FBXL7: variants seen among roughly 807,000 people sequenced by gnomAD.
FBXL7 encodes F-box/LRR-repeat protein 7.
A neutral mutation model predicts 38.3 loss-of-function variants in FBXL7; 12 were observed. The ratio of observed to expected loss-of-function variants is 0.31; its 90% CI spans 0.20 to 0.51. The LOEUF is 0.51. Among genes scored for constraint, FBXL7 ranks in the 20% least tolerant of loss-of-function variants. The pLI is 0.98. For missense variants in FBXL7, 567 were observed against 676.4 expected, an observed-to-expected ratio of 0.84 and a Z score of 1.79; for synonymous variants, 297 against 300.9, an observed-to-expected ratio of 0.99 and a Z score of 0.13.
At chr5:15,624,405 C>T (rs1354457324) in intron 2 of FBXL7, among the ~76,000 whole-genome samples, 1 of 152,200 alleles carries the variant, frequency 6.6e-6, no homozygotes, top group African/African-American at 2.4e-5. Flanking sequence ...CCTGAGAATC[C>T]TCGCCTGCAC....
At position 15,749,734 on chromosome 5, in the gene FBXL7, C is replaced by T. The variant is rs1467800785; in HGVS notation, c.127+133662C>T. 4.6e-5 allele frequency among the ~76,000 whole-genome samples: 7 copies of T among 152,196 alleles called. 1 individual carries two copies. Among genetic ancestry groups the T allele is most frequent in the Admixed American group, 4.6e-4 (7 of 15,286 alleles). On this transcript the variant is annotated intron_variant, in intron 2 of 3. Coordinates refer to ENST00000504595, the MANE Select transcript of FBXL7 (RefSeq NM_012304.5). ...GGATGTCTGAATTGTAGAATCGTTT[C>T]CATGTAATGCATTGGATTATATCTG...
At chr5:15,740,583 C>T (rs1256985450) in intron 2 of FBXL7, among the ~76,000 whole-genome samples, 1 of 152,134 alleles carries the variant, frequency 6.6e-6, no homozygotes, top group Admixed American at 6.6e-5. Flanking sequence ...CAGACTGTTG[C>T]ACATAGTCAT....
chr5:15,518,384 C>T (rs922939837), intron 1 of FBXL7, among the ~76,000 whole-genome samples: 5 of 152,162 alleles, frequency 3.3e-5, no homozygotes, highest in Non-Finnish European at 5.9e-5. Context: ...ATTATTTCCT[C>T]GGTTTGTTTT....
intron 1 of FBXL7, among the ~76,000 whole-genome samples, chr5:15,527,362 C>A (rs1737281272): frequency 6.6e-6 from 1 of 151,916 alleles, no homozygotes; most frequent in Non-Finnish European, 1.5e-5. Flanking sequence ...TGATTTTTTT[C>A]TTATTATTAG....
chr5:15,913,004 A>G (rs1235919900), intron 2 of FBXL7, among the ~76,000 whole-genome samples: 1 of 152,328 alleles, frequency 6.6e-6, no homozygotes, highest in East Asian at 1.9e-4. Flanking sequence ...AAGTGTACTA[A>G]GTCTCTTTAC....
intron 2 of FBXL7, among the ~76,000 whole-genome samples, chr5:15,702,581 T>G (rs541924460): frequency 6.6e-6 from 1 of 152,282 alleles, no homozygotes; most frequent in South Asian, 2.1e-4. Flanking sequence ...ATTTTTTCAA[T>G]AGGTTCATTG....
At chr5:15,658,955 C>T (rs1741971527) in intron 2 of FBXL7, among the ~76,000 whole-genome samples, 1 of 151,996 alleles carries the variant, frequency 6.6e-6, no homozygotes, top group Non-Finnish European at 1.5e-5. Flanking sequence ...GGGTGGTTTC[C>T]TCCCCTACCT....
At chr5:15,707,054 G>A (rs1743702617) in intron 2 of FBXL7, among the ~76,000 whole-genome samples, 1 of 151,958 alleles carries the variant, frequency 6.6e-6, no homozygotes, top group Non-Finnish European at 1.5e-5. Context: ...TGCCGACCTG[G>A]AACTGTGAGT....
chr5:15,888,190 ACAC>A (rs1740755894), intron 2 of FBXL7, among the ~76,000 whole-genome samples: 1 of 149,484 alleles, frequency 6.7e-6, no homozygotes, highest in South Asian at 2.1e-4. Context: ...CCCTTTGTAA[ACAC>A]CACTTTATTT....
chr5:15,891,894 T>A (rs1233115076), intron 2 of FBXL7, among the ~76,000 whole-genome samples: 3 of 152,180 alleles, frequency 2.0e-5, no homozygotes, highest in Non-Finnish European at 4.4e-5. Flanking sequence ...TAGCAAGAGC[T>A]GTAGCCAAGA....
chr5:15,693,397 G>C (rs924684995), intron 2 of FBXL7, among the ~76,000 whole-genome samples: 1 of 152,116 alleles, frequency 6.6e-6, no homozygotes, highest in Non-Finnish European at 1.5e-5. Flanking sequence ...TATTGGACAG[G>C]ATCCATATTC....
chr5:15,626,810 A>G (rs941861401), intron 2 of FBXL7, among the ~76,000 whole-genome samples: 1 of 152,236 alleles, frequency 6.6e-6, no homozygotes, highest in Non-Finnish European at 1.5e-5. Flanking sequence ...ATCTAAGTAC[A>G]TCTAAGTGTA....
At chr5:15,791,208 TTAG>T (rs1489904766) in intron 2 of FBXL7, among the ~76,000 whole-genome samples, 1 of 152,166 alleles carries the variant, frequency 6.6e-6, no homozygotes, top group Non-Finnish European at 1.5e-5. Context: ...AAGCTCTTAC[TTAG>T]TAGGTATTCT....
chr5:15,697,351 A>T (rs1743374115), intron 2 of FBXL7, among the ~76,000 whole-genome samples: 1 of 152,210 alleles, frequency 6.6e-6, no homozygotes, highest in Non-Finnish European at 1.5e-5. Context: ...TGGAAGACAG[A>T]GACTCATATA....
chr5:15,655,837 C>T (rs566723893), intron 2 of FBXL7, among the ~76,000 whole-genome samples: 77 of 152,312 alleles, frequency 5.1e-4, no homozygotes, highest in Non-Finnish European at 9.0e-4. Context: ...AAAGCCTCAA[C>T]TCAAACCCTG....
intron 2 of FBXL7, among the ~76,000 whole-genome samples, chr5:15,776,229 T>G (rs571712279): frequency 2.8e-4 from 43 of 152,244 alleles, no homozygotes; most frequent in African/African-American, 9.4e-4. Context: ...CACTCTTGCA[T>G]GCAGATTAGC....
intron 2 of FBXL7, among the ~76,000 whole-genome samples, chr5:15,663,574 G>T (rs569043601): frequency 1.6e-4 from 24 of 152,318 alleles, no homozygotes; most frequent in African/African-American, 5.5e-4. Flanking sequence ...TGTCTATTGA[G>T]ATAATGATGT....
chr5:15,729,924 C>G (rs1279804960), intron 2 of FBXL7, among the ~76,000 whole-genome samples: 1 of 152,176 alleles, frequency 6.6e-6, no homozygotes, highest in Non-Finnish European at 1.5e-5. Flanking sequence ...CTAGTTAAAT[C>G]TGTCAGTTCC....
chr5:15,860,376 C>T (rs1321997722), intron 2 of FBXL7, among the ~76,000 whole-genome samples: 1 of 152,140 alleles, frequency 6.6e-6, no homozygotes, highest in Non-Finnish European at 1.5e-5. Context: ...GAGAAATGCC[C>T]TCTGGCTGTC....
Sources: gnomAD v4.1 joint callset for allele counts (sites outside exome capture counted in the v4.1 genomes callset) on GRCh38, gnomAD v4.1.1 for gene constraint, MANE v1.5 for transcripts, NCBI Gene and HGNC (gene_info 2026-07-23, HGNC 2026-07-21) for gene names.